FLT1: variants seen among roughly 807,000 people sequenced by gnomAD.
FLT1 encodes the protein vascular endothelial growth factor receptor 1.
FLT1 carries 49 observed loss-of-function variants against 156.3 expected under a neutral mutation model. The observed-to-expected ratio is 0.31, with a 90% confidence interval of 0.25 to 0.40. FLT1 has a LOEUF of 0.40. Among genes scored for constraint, FLT1 ranks in the 10% least tolerant of loss-of-function variants. The pLI is 1.00. For missense variants in FLT1, 1,322 were observed against 1,637.2 expected, an observed-to-expected ratio of 0.81 and a Z score of 3.32; for synonymous variants, 594 against 583.8, an observed-to-expected ratio of 1.02 and a Z score of -0.25.
intron 27 of FLT1, among the ~76,000 whole-genome samples, chr13:28,311,322 C>T (rs1870991048): frequency 6.6e-6 from 1 of 152,140 alleles, no homozygotes; most frequent in Non-Finnish European, 1.5e-5. Flanking sequence ...TGCCTTAAGC[C>T]TCCTTTTAAA....
rs1441126954 is a variant in FLT1 at position 28,434,048 on chromosome 13, C to A, written c.676+10G>T. 6.2e-7 allele frequency: 1 copy of A among 1,614,166 alleles called. No individual in the cohort carries two copies. Among genetic ancestry groups the A allele is most frequent in the Non-Finnish European group, 8.5e-7 (1 of 1,180,002 alleles). Reference sequence around the variant, plus strand: ...TCGGCTTATGTTCATGCCTTTGAAGCATCACTTACTTTGTCGATGTGTGAG... The same window carrying A: ...TCGGCTTATGTTCATGCCTTTGAAGAATCACTTACTTTGTCGATGTGTGAG... On this transcript the variant is annotated intron_variant, in intron 5 of 29. Transcript: ENST00000282397.
intron 14 of FLT1, among the ~76,000 whole-genome samples, chr13:28,374,703 C>T (rs937112826): frequency 2.0e-5 from 3 of 151,976 alleles, no homozygotes; most frequent in African/African-American, 4.8e-5. Context: ...TTAGTAGAGA[C>T]AGGGTTTCAC....
At position 28,302,887 on chromosome 13, in the gene FLT1, G is replaced by A. The variant is rs758270617; in HGVS notation, c.*280C>T. 9 of 476,380 alleles carry A rather than the reference G, an allele frequency of 1.9e-5. No homozygotes were observed. The highest frequency in any genetic ancestry group is 3.1e-5 in the Non-Finnish European group (8 of 261,678). 29.5% of individuals were successfully genotyped at this position (476,380 alleles called of 1,614,324 possible). A position where few individuals can be genotyped will look rare whatever the true frequency, so the allele number is the denominator to read the frequency against. On this transcript the variant is annotated 3_prime_UTR_variant, in exon 30 of 30. Transcript: ENST00000282397. ...TCCTGCGTGCCCTGAGGTGGCGGGGGTTGGAGCAGGGAAGTCATTGGGTTT... is the reference window on the plus strand; with the variant it reads ...TCCTGCGTGCCCTGAGGTGGCGGGGATTGGAGCAGGGAAGTCATTGGGTTT...
Position 28,329,509 on chromosome 13 carries a change from T to C in FLT1, c.2707+106A>G, listed in dbSNP as rs75136689. On this transcript the variant is annotated intron_variant, in intron 19 of 29. Coordinates refer to ENST00000282397, the MANE Select transcript of FLT1 (RefSeq NM_002019.4). ...AGAGCTATTAGGGAGGCCGTTTTCC[T>C]GGAGGCGAGGAAGCACAGTGCGGGG... The C allele has an allele frequency of 2.4e-3, 1,939 of 812,328 alleles. 32 individuals are homozygous for C. The African/African-American group carries it at 0.029, about 12-fold the overall frequency. The allele number at this position is 812,328 out of a possible 1,614,324, so 50.3% of individuals were successfully genotyped here. A position where few individuals can be genotyped will look rare whatever the true frequency, so the allele number is the denominator to read the frequency against.
chr13:28,415,292 C>G (rs576245033), intron 10 of FLT1, among the ~76,000 whole-genome samples: 1 of 152,116 alleles, frequency 6.6e-6, no homozygotes, highest in East Asian at 1.9e-4. Context: ...CCAGCCTGAC[C>G]AACATGGAGA....
At chr13:28,405,093 C>T (rs1006602424) in intron 11 of FLT1, among the ~76,000 whole-genome samples, 1 of 151,624 alleles carries the variant, frequency 6.6e-6, no homozygotes, top group African/African-American at 2.4e-5. Flanking sequence ...TAAGTGTATT[C>T]TTTACTAATT....
Position 28,427,229 on chromosome 13 carries a change from C to T in FLT1, c.1366G>A (p.Ala456Thr), listed in dbSNP as rs779189056. ...ATTGTAGGTTGAGGGATACCATATG[C>T]GGTACAAGTCAGGATTTGTCTGCTG... is the stretch of plus-strand genomic sequence containing the variant. Reference protein sequence around the residue: ...LGSRQILTCTAYGIPQPTIKW... With the variant: ...LGSRQILTCTTYGIPQPTIKW... Residue 456 changes from alanine to threonine, a missense_variant, in exon 10 of 30, where the codon GCA (alanine) becomes ACA (threonine). By Grantham distance (58) the Ala-to-Thr change is moderately conservative. Transcript: ENST00000282397. The T allele has an allele frequency of 9.3e-6, 15 of 1,613,702 alleles. No individual in the cohort carries two copies. Among genetic ancestry groups the T allele is most frequent in the South Asian group, 5.5e-5 (5 of 91,080 alleles).
At chr13:28,331,885 A>G (rs1016358508) in intron 18 of FLT1, among the ~76,000 whole-genome samples, 9 of 152,240 alleles carry the variant, frequency 5.9e-5, no homozygotes, top group African/African-American at 1.2e-4. Context: ...TTATGAAGAC[A>G]CTACACATGC....
chr13:28,374,205 A>G (rs938259517), intron 14 of FLT1, among the ~76,000 whole-genome samples: 2 of 152,092 alleles, frequency 1.3e-5, no homozygotes, highest in Non-Finnish European at 2.9e-5. Flanking sequence ...TTTTGCCACA[A>G]TTTAAAAAAA....
intron 8 of FLT1, among the ~76,000 whole-genome samples, chr13:28,428,593 T>C (rs1039989616): frequency 2.0e-5 from 3 of 152,234 alleles, no homozygotes; most frequent in African/African-American, 7.2e-5. Context: ...GCTTGGGTGC[T>C]TGACCTGGCT....
intron 3 of FLT1, among the ~76,000 whole-genome samples, chr13:28,464,598 G>A (rs554441822): frequency 1.9e-4 from 29 of 152,372 alleles, no homozygotes; most frequent in Admixed American, 9.1e-4. Context: ...AACCAGGACA[G>A]ACATGGACCG....
intron 13 of FLT1, 84 bp from the exon 14 acceptor site, chr13:28,385,115 G>C: frequency 7.1e-7 from 1 of 1,400,940 alleles, no homozygotes; most frequent in Non-Finnish European, 1.0e-6. Context: ...AAAATATACA[G>C]AGAAACAGCA....
At chr13:28,415,136 C>T (rs1427879612) in intron 10 of FLT1, among the ~76,000 whole-genome samples, 1 of 152,194 alleles carries the variant, frequency 6.6e-6, no homozygotes, top group Non-Finnish European at 1.5e-5. Flanking sequence ...CAATGGCCTC[C>T]TCTTCTTGCC....
At chr13:28,490,297 G>A (rs887640339) in intron 1 of FLT1, among the ~76,000 whole-genome samples, 1 of 152,200 alleles carries the variant, frequency 6.6e-6, no homozygotes, top group Non-Finnish European at 1.5e-5. Flanking sequence ...CAGCTTTCAG[G>A]CATCCAGCTT....
At chr13:28,361,602 G>A (rs1873114781) in intron 14 of FLT1, among the ~76,000 whole-genome samples, 1 of 152,170 alleles carries the variant, frequency 6.6e-6, no homozygotes, top group Non-Finnish European at 1.5e-5. Context: ...CTGAGGGATG[G>A]AGACAAATTA....
intron 25 of FLT1, among the ~76,000 whole-genome samples, chr13:28,314,632 A>G (rs931197202): frequency 1.3e-5 from 2 of 152,158 alleles, no homozygotes; most frequent in African/African-American, 2.4e-5. Context: ...GCTTTAGGCC[A>G]AGTTCAGATC....
At chr13:28,450,142 G>A (rs1359826697) in intron 3 of FLT1, among the ~76,000 whole-genome samples, 1 of 152,106 alleles carries the variant, frequency 6.6e-6, no homozygotes, top group Admixed American at 6.5e-5. Flanking sequence ...CTGTGCACAC[G>A]GACAGTCCCT....
chr13:28,395,838 A>T (rs1288348059), intron 12 of FLT1, among the ~76,000 whole-genome samples: 1 of 152,254 alleles, frequency 6.6e-6, no homozygotes, highest in Non-Finnish European at 1.5e-5. Flanking sequence ...GAACTGTACC[A>T]TTTAACAGTG....
chr13:28,341,707 T>TCC (rs1872339740), intron 16 of FLT1, among the ~76,000 whole-genome samples: 1 of 152,170 alleles, frequency 6.6e-6, no homozygotes, highest in Admixed American at 6.5e-5. Context: ...TATTTTGGGA[T>TCC]GTCTTGTTCC....
Sources: allele counts gnomAD v4.1 joint callset (sites outside exome capture counted in the v4.1 genomes callset), GRCh38; gene constraint gnomAD v4.1.1; transcripts MANE v1.5; gene names NCBI Gene and HGNC (gene_info 2026-07-23, HGNC 2026-07-21).